Variants in LARGE1 observed in about 807,000 individuals in gnomAD.
LARGE1 encodes the protein xylosyl- and glucuronyltransferase LARGE1.
A neutral mutation model predicts 87.6 loss-of-function variants in LARGE1; 43 were observed. That is an observed-to-expected ratio of 0.49 (90% CI 0.38 to 0.63). The LOEUF is 0.63. Ranked by LOEUF, LARGE1 falls within the 30% of genes least tolerant of loss-of-function variation. The pLI is 0.00. For missense variants in LARGE1, 802 were observed against 1,000.2 expected, an observed-to-expected ratio of 0.80 and a Z score of 2.67; for synonymous variants, 434 against 394.6, an observed-to-expected ratio of 1.10 and a Z score of -1.18.
intron 4 of LARGE1, 25 bp from the exon 5 acceptor site, chr22:33,604,583 G>C (rs749896710): frequency 6.2e-7 from 1 of 1,613,950 alleles, no homozygotes. Flanking sequence ...AGAAGGAAGG[G>C]TCAGGTGGAG....
chr22:33,700,940 G>T (rs2082389129), intron 2 of LARGE1, among the ~76,000 whole-genome samples: 1 of 152,174 alleles, frequency 6.6e-6, no homozygotes, highest in Admixed American at 6.5e-5. Context: ...CGTGGTCTGA[G>T]GTGAGCAGCT....
chr22:33,609,777 G>A (rs2079375807), intron 4 of LARGE1, among the ~76,000 whole-genome samples: 1 of 152,076 alleles, frequency 6.6e-6, no homozygotes, highest in African/African-American at 2.4e-5. Flanking sequence ...GGGTCATGGG[G>A]GCGGATCCCT....
chr22:33,251,786 C>G (rs1927018226), intron 11 of LARGE1, among the ~76,000 whole-genome samples: 1 of 152,216 alleles, frequency 6.6e-6, no homozygotes, highest in African/African-American at 2.4e-5. Flanking sequence ...AGCTCAGTCT[C>G]TCACTGTTTG....
At chr22:33,172,147 C>T (rs1341737112) in intron 11 of LARGE1, among the ~76,000 whole-genome samples, 1 of 152,234 alleles carries the variant, frequency 6.6e-6, no homozygotes. Context: ...GGGCCTGTGG[C>T]CCCTTTGTTT....
At chr22:33,397,066 C>T (rs570240893) in intron 7 of LARGE1, among the ~76,000 whole-genome samples, 1 of 152,234 alleles carries the variant, frequency 6.6e-6, no homozygotes, top group Admixed American at 6.5e-5. Context: ...AAACCAGAAT[C>T]CCCCTTACAG....
intron 9 of LARGE1, 129 bp from the exon 10 acceptor site, chr22:33,337,930 A>AG: frequency 9.5e-7 from 1 of 1,053,180 alleles, no homozygotes; most frequent in Non-Finnish European, 1.4e-6. Flanking sequence ...CTCATTCAAC[A>AG]TTTTGGCAGA....
chr22:33,912,116 C>A (rs1037606022), intron 1 of LARGE1, among the ~76,000 whole-genome samples: 1 of 152,206 alleles, frequency 6.6e-6, no homozygotes, highest in Non-Finnish European at 1.5e-5. Flanking sequence ...GAAACAACCA[C>A]AAAATGCCAT....
At chr22:33,485,263 G>A (rs1277125426) in intron 6 of LARGE1, among the ~76,000 whole-genome samples, 11 of 150,410 alleles carry the variant, frequency 7.3e-5, no homozygotes, top group Admixed American at 6.6e-5. Context: ...GCCCAGGCTG[G>A]AGTGCAGTGG....
chr22:33,427,504 G>A lies in LARGE1; in HGVS notation c.892+4657C>T, dbSNP rs893848326. ...GAACGGGGGAAACTGACTGACTCTT[G>A]TAGGGGGAAAAGTCTAGTTTATAAG... On this transcript the variant is annotated intron_variant, in intron 7 of 14. Coordinates refer to ENST00000397394, the MANE Select transcript of LARGE1 (RefSeq NM_133642.5). Among the ~76,000 whole-genome samples the A allele has an allele frequency of 5.9e-5, 9 of 152,178 alleles. No individual in the cohort carries two copies. The South Asian group carries it at 1.0e-3, about 18-fold the overall frequency.
At chr22:33,262,360 C>G (rs1927680714) in intron 11 of LARGE1, among the ~76,000 whole-genome samples, 1 of 152,198 alleles carries the variant, frequency 6.6e-6, no homozygotes, top group East Asian at 1.9e-4. Flanking sequence ...AGTCCCATTC[C>G]TTTCTGTTGA....
intron 5 of LARGE1, among the ~76,000 whole-genome samples, chr22:33,593,501 C>T (rs1399442087): frequency 2.0e-5 from 3 of 152,174 alleles, no homozygotes; most frequent in Admixed American, 1.3e-4. Flanking sequence ...AGCACAGAAG[C>T]TGAGGCGGGA....
chr22:33,441,172 C>G (rs549356876), intron 6 of LARGE1, among the ~76,000 whole-genome samples: 4 of 146,276 alleles, frequency 2.7e-5, no homozygotes, highest in Admixed American at 7.1e-5. Flanking sequence ...CTTCCCAGTT[C>G]AAGCGATTCT....
Position 33,316,222 on chromosome 22 carries a change from G to A in LARGE1, c.1314C>T (p.Asp438=), listed in dbSNP as rs770523745. The change falls in exon 11 of 15, where the codon GAC becomes GAT. Residue 438 remains aspartate, a synonymous_variant. Transcript: ENST00000397394. Reference sequence around the variant, plus strand: ...GGAACTCATAGCACAGGTCGTCCTCGTCCAGCTCAGACAGCTGCTTCTGGA... The same window carrying A: ...GGAACTCATAGCACAGGTCGTCCTCATCCAGCTCAGACAGCTGCTTCTGGA... ...ENLQKQLSEL[D]EDDLCYEFRR... is the part of the protein sequence containing the mutation. 6 of 1,613,870 alleles carry A rather than the reference G, an allele frequency of 3.7e-6. No homozygotes were observed. Among genetic ancestry groups the A allele is most frequent in the Non-Finnish European group, 5.1e-6 (6 of 1,179,962 alleles).
chr22:33,335,014 A>G (rs116058930), intron 10 of LARGE1, among the ~76,000 whole-genome samples: 121 of 152,386 alleles, frequency 7.9e-4, no homozygotes, highest in Middle Eastern at 6.8e-3. Flanking sequence ...CTCATTTCTT[A>G]TAACACTGAG....
the LARGE1 span, among the ~76,000 whole-genome samples, chr22:33,091,298 C>T: frequency 3.3e-5 from 5 of 152,284 alleles, no homozygotes; most frequent in African/African-American, 1.2e-4. Context: ...CAGTGGTTCA[C>T]ATCTGTAATC....
chr22:33,078,295 C>T, the LARGE1 span, among the ~76,000 whole-genome samples: 1 of 152,168 alleles, frequency 6.6e-6, no homozygotes, highest in Non-Finnish European at 1.5e-5. Context: ...GAGGCTCTTT[C>T]CTCATTAGTC....
intron 2 of LARGE1, among the ~76,000 whole-genome samples, chr22:33,717,020 A>T (rs2082931547): frequency 6.6e-6 from 1 of 152,190 alleles, no homozygotes; most frequent in African/African-American, 2.4e-5. Flanking sequence ...TTGTTATTGG[A>T]AATGACAAAT....
intron 6 of LARGE1, among the ~76,000 whole-genome samples, chr22:33,494,924 G>A (rs187462732): frequency 1.6e-4 from 25 of 152,278 alleles, no homozygotes; most frequent in African/African-American, 5.5e-4. Flanking sequence ...CTCTCTTGGC[G>A]CTGCCTCTAT....
chr22:33,919,446 G>T (rs1335316180), intron 1 of LARGE1, among the ~76,000 whole-genome samples: 2 of 152,220 alleles, frequency 1.3e-5, no homozygotes, highest in Non-Finnish European at 2.9e-5. Flanking sequence ...TGACTAACAG[G>T]AAGGACATGC....
Sources: gnomAD v4.1 joint callset for allele counts (sites outside exome capture counted in the v4.1 genomes callset) on GRCh38, gnomAD v4.1.1 for gene constraint, MANE v1.5 for transcripts, NCBI Gene and HGNC (gene_info 2026-07-23, HGNC 2026-07-21) for gene names.